Variants in DDX10 observed in about 807,000 individuals in gnomAD.
The protein encoded by DDX10 is probable ATP-dependent RNA helicase DDX10.
A neutral mutation model predicts 104.3 loss-of-function variants in DDX10; 74 were observed. The observed-to-expected ratio is 0.71, with a 90% CI of 0.59 to 0.86. The LOEUF (loss-of-function observed/expected upper bound fraction) is 0.86, where lower values mean the gene tolerates loss of function less well. Ranked by LOEUF, DDX10 falls within the 40% of genes least tolerant of loss-of-function variation. The pLI is 0.00. For missense variants in DDX10, 952 were observed against 1,040.0 expected (o/e 0.92, Z 1.16); for synonymous variants, 351 against 353.4 (o/e 0.99, Z 0.08).
chr11:108,881,780 G>T (rs1369375674), intron 16 of DDX10, among the ~76,000 whole-genome samples: 1 of 152,084 alleles, frequency 6.6e-6, no homozygotes, highest in Non-Finnish European at 1.5e-5. Context: ...ATTTGTGATA[G>T]GTTTATCAGG....
intron 2 of DDX10, among the ~76,000 whole-genome samples, 185 bp from the exon 3 acceptor site, chr11:108,675,411 T>C (rs11212753): frequency 0.12 from 18,588 of 152,124 alleles, 1,543 homozygotes; most frequent in East Asian, 0.27. Flanking sequence ...TGGATCAGAG[T>C]CCACCCCTAT....
At chr11:108,741,210 T>G (rs1433466253) in intron 13 of DDX10, among the ~76,000 whole-genome samples, 2 of 151,278 alleles carry the variant, frequency 1.3e-5, no homozygotes, top group African/African-American at 4.8e-5. Flanking sequence ...ACTGTAGCCT[T>G]GTAGTATAGT....
At chr11:108,735,747 G>A (rs1033854999) in intron 13 of DDX10, among the ~76,000 whole-genome samples, 7 of 151,902 alleles carry the variant, frequency 4.6e-5, no homozygotes, top group Non-Finnish European at 8.8e-5. Context: ...GGTTCTCTGA[G>A]CATATGTGTA....
intron 16 of DDX10, among the ~76,000 whole-genome samples, chr11:108,914,507 C>G (rs906535920): frequency 6.6e-6 from 1 of 152,124 alleles, no homozygotes; most frequent in Non-Finnish European, 1.5e-5. Context: ...CAGCTCCTTA[C>G]TATGGATTAG....
chr11:108,845,052 A>C (rs187909652), intron 15 of DDX10, among the ~76,000 whole-genome samples: 34 of 152,126 alleles, frequency 2.2e-4, no homozygotes, highest in Admixed American at 7.8e-4. Context: ...CAGAAAAAAA[A>C]CCAAAATTAG....
chr11:108,807,540 C>T (rs763135232), intron 13 of DDX10, among the ~76,000 whole-genome samples: 9 of 152,154 alleles, frequency 5.9e-5, no homozygotes, highest in Non-Finnish European at 1.3e-4. Flanking sequence ...GATGTGGTGA[C>T]AATGCCTCAC....
chr11:108,667,651 T>G (rs531884683), intron 1 of DDX10, among the ~76,000 whole-genome samples: 3 of 152,352 alleles, frequency 2.0e-5, no homozygotes, highest in African/African-American at 7.2e-5. Context: ...TAGGCATATA[T>G]GAAGGAACAG....
chr11:108,888,740 A>G (rs1863335289), intron 16 of DDX10, among the ~76,000 whole-genome samples: 1 of 152,088 alleles, frequency 6.6e-6, no homozygotes. Flanking sequence ...GACGTGGGAT[A>G]TACATATTGA....
intron 13 of DDX10, among the ~76,000 whole-genome samples, chr11:108,781,307 A>G (rs1465417919): frequency 1.3e-5 from 2 of 152,180 alleles, no homozygotes; most frequent in African/African-American, 4.8e-5. Flanking sequence ...CCAGTACACC[A>G]TTGATGGGGA....
intron 10 of DDX10, among the ~76,000 whole-genome samples, chr11:108,708,618 A>T (rs2094279926): frequency 6.7e-6 from 1 of 149,054 alleles, no homozygotes. Context: ...TTCAGGCTAG[A>T]GTGCAGTCTT....
chr11:108,938,213 G>C (rs1313268728), intron 17 of DDX10, among the ~76,000 whole-genome samples: 9 of 152,080 alleles, frequency 5.9e-5, no homozygotes, highest in Admixed American at 5.9e-4. Flanking sequence ...TAATTAACTT[G>C]TTATACAGAT....
chr11:108,911,416 G>C (rs1337445297), intron 16 of DDX10, among the ~76,000 whole-genome samples: 1 of 152,128 alleles, frequency 6.6e-6, no homozygotes, highest in Non-Finnish European at 1.5e-5. Flanking sequence ...CTGCTTCATA[G>C]ATGGTACCTT....
intron 9 of DDX10, among the ~76,000 whole-genome samples, chr11:108,697,762 T>C (rs932048185): frequency 8.5e-5 from 13 of 152,238 alleles, no homozygotes; most frequent in Non-Finnish European, 1.5e-4. Flanking sequence ...TATAGTTCTT[T>C]TGGTACAAAA....
intron 16 of DDX10, among the ~76,000 whole-genome samples, chr11:108,876,343 T>C (rs1863153641): frequency 6.6e-6 from 1 of 152,186 alleles, no homozygotes; most frequent in African/African-American, 2.4e-5. Context: ...ACAGCTTAAG[T>C]GACTCGTCTA....
At chr11:108,706,354 A>T (rs1295803647) in intron 9 of DDX10, among the ~76,000 whole-genome samples, 3 of 151,760 alleles carry the variant, frequency 2.0e-5, no homozygotes, top group Non-Finnish European at 4.4e-5. Flanking sequence ...AGAGGAATTG[A>T]TTTTTTTTTA....
At chr11:108,816,259 G>A (rs1486126964) in intron 13 of DDX10, among the ~76,000 whole-genome samples, 1 of 152,164 alleles carries the variant, frequency 6.6e-6, no homozygotes, top group Non-Finnish European at 1.5e-5. Flanking sequence ...AATTTAGTAA[G>A]ACCTTTTCTT....
At chr11:108,678,811 G>A (rs1378601991) in intron 5 of DDX10, among the ~76,000 whole-genome samples, 1 of 141,576 alleles carries the variant, frequency 7.1e-6, no homozygotes, top group East Asian at 2.0e-4. Flanking sequence ...GAACATTTTT[G>A]ATTTGTAGGA....
At chr11:108,858,214 C>G (rs1036635064) in intron 16 of DDX10, among the ~76,000 whole-genome samples, 1 of 152,112 alleles carries the variant, frequency 6.6e-6, no homozygotes, top group African/African-American at 2.4e-5. Context: ...CGTTTTGAAG[C>G]CTTTTCTGCC....
chr11:108,800,904 A>G (rs1358146787), intron 13 of DDX10, among the ~76,000 whole-genome samples: 1 of 152,188 alleles, frequency 6.6e-6, no homozygotes, highest in African/African-American at 2.4e-5. Context: ...TTGTATTCCT[A>G]TCTTTCCAGT....
Sources: allele counts gnomAD v4.1 joint callset (sites outside exome capture counted in the v4.1 genomes callset), GRCh38; gene constraint gnomAD v4.1.1; transcripts MANE v1.5; gene names NCBI Gene and HGNC (gene_info 2026-07-23, HGNC 2026-07-21).